IRAK3: variants seen among roughly 807,000 people sequenced by gnomAD.
IRAK3 encodes the protein interleukin-1 receptor-associated kinase 3.
In IRAK3, 57 loss-of-function variants were observed where a neutral mutation model predicts 56.6. The ratio of observed to expected loss-of-function variants is 1.01; its 90% CI spans 0.81 to 1.26. IRAK3 has a LOEUF of 1.26. IRAK3 is among the 50% of genes most tolerant of loss of function. The pLI is 0.00. For missense variants in IRAK3, 703 were observed against 719.0 expected, an observed-to-expected ratio of 0.98 and a Z score of 0.25; for synonymous variants, 258 against 255.7, an observed-to-expected ratio of 1.01 and a Z score of -0.09.
In IRAK3 at chr12:66,217,173, G is replaced by A; in HGVS notation, c.591G>A (p.Glu197=). 1 of 1,605,234 alleles carries A rather than the reference G, an allele frequency of 6.2e-7. No individual in the cohort carries two copies. The highest frequency in any genetic ancestry group is 8.5e-7 in the Non-Finnish European group (1 of 1,172,016). ...LTYAVKLFKQ[E]KKMQCKKHWK... ...TTCTTGTCTTTCTGTATATGTAGGA[G>A]AAAAAAATGCAGTGTAAGAAGCATT... Residue 197 remains glutamate (E), a splice_region_variant and synonymous_variant, in exon 6 of 12, where the codon GAG becomes GAA. Transcript: ENST00000261233.
In IRAK3 at chr12:66,211,553, G is replaced by A. The variant is rs753764031; in HGVS notation, c.544G>A (p.Val182Met). The part of the protein sequence containing the change: ...GEGEIFEVYR[V>M]EIQNLTYAVK... ...AGGAGAGATTTTTGAGGTATACAGA[G>A]TGGAGATTCAAAACCTAACATATGC... The change falls in exon 5 of 12, where the codon GTG becomes ATG. Residue 182 changes from valine (V) to methionine (M), a missense_variant. Transcript: ENST00000261233. The A allele has an allele frequency of 3.7e-6, 6 of 1,612,088 alleles. No homozygotes were observed. Among genetic ancestry groups the A allele is most frequent in the East Asian group, 2.2e-5 (1 of 44,846 alleles).
At position 66,204,265 on chromosome 12, in the gene IRAK3, A is replaced by G. The variant is rs11465947; in HGVS notation, c.316+372A>G. Among the ~76,000 whole-genome samples the G allele has an allele frequency of 2.5e-3, 388 of 152,300 alleles. 5 individuals carry two copies. Among genetic ancestry groups the G allele is most frequent in the African/African-American group, 8.4e-3 (350 of 41,560 alleles). On this transcript the variant is annotated intron_variant, in intron 2 of 11. Transcript: ENST00000261233. Reference sequence around the variant, plus strand: ...AATCACAATATTTGAGATACAGATCATGCTATTCTTTGTTTTACTATATAT... The same window carrying G: ...AATCACAATATTTGAGATACAGATCGTGCTATTCTTTGTTTTACTATATAT...
rs945939394 is a variant in IRAK3, at chr12:66,254,423, T to C, written c.*6252T>C. The C allele has an allele frequency of 6.6e-6, 1 of 152,178 alleles. No homozygotes were observed. The highest frequency in any genetic ancestry group is 2.4e-5 in the African/African-American group (1 of 41,470). 9.4% of individuals were successfully genotyped at this position (152,178 alleles called of 1,614,324 possible). The stretch of plus-strand genomic sequence containing the variant: ...TAGACTACAGGATATATGTTGAATA[T>C]GAGCTCATTTATAACATTGAATATT... On this transcript the variant is annotated 3_prime_UTR_variant, in exon 12 of 12. Transcript: ENST00000261233.
intron 8 of IRAK3, among the ~76,000 whole-genome samples, chr12:66,243,459 C>T (rs1244307543): frequency 6.6e-6 from 1 of 152,186 alleles, no homozygotes; most frequent in Non-Finnish European, 1.5e-5. Flanking sequence ...GCTTTGGTTT[C>T]AGGAAATAAA....
Position 66,196,798 on chromosome 12 carries a change from C to T in IRAK3, c.134-6913C>T, listed in dbSNP as rs534239178. The T allele has an allele frequency of 1.3e-5, 18 of 1,350,882 alleles. No individual in the cohort carries two copies. In the South Asian group the frequency reaches 2.7e-4, roughly 21 times the overall value. The allele number at this position is 1,350,882 out of a possible 1,614,324, so 83.7% of individuals were successfully genotyped here. ...TTTTGGAATTAAAAATGTCTTTAAC[C>T]TTAAAAGTTCTTTTAAAAAATTGTC... On this transcript the variant is annotated intron_variant, in intron 1 of 11. Coordinates refer to ENST00000261233, the MANE Select transcript of IRAK3 (RefSeq NM_007199.3).
intron 11 of IRAK3, among the ~76,000 whole-genome samples, chr12:66,247,377 C>A (rs1385497005): frequency 1.3e-5 from 2 of 152,154 alleles, no homozygotes; most frequent in Admixed American, 1.3e-4. Flanking sequence ...TCCAATCTTC[C>A]ACATATTATG....
intron 2 of IRAK3, among the ~76,000 whole-genome samples, chr12:66,205,299 T>G (rs1325654015): frequency 1.3e-5 from 2 of 152,224 alleles, no homozygotes; most frequent in East Asian, 3.8e-4. Flanking sequence ...CTTAGTCTGT[T>G]GCACATGCAA....
At position 66,222,583 on chromosome 12, in the gene IRAK3, A is replaced by G. The variant is rs148862664; in HGVS notation, c.654-4140A>G. 2.5e-3 allele frequency among the ~76,000 whole-genome samples: 383 copies of G among 151,984 alleles called. 5 individuals are homozygous for G. The highest frequency in any genetic ancestry group is 8.9e-3 in the African/African-American group (370 of 41,474). On this transcript the variant is annotated intron_variant, in intron 6 of 11. Coordinates refer to ENST00000261233, the MANE Select transcript of IRAK3 (RefSeq NM_007199.3). ...CAAAAAAACAAGTCTCATAGTATCA[A>G]TTTTTCTGAGAGATATTAATAATCC... is the stretch of plus-strand genomic sequence containing the variant.
chr12:66,222,529 CATTT>C (rs1225662805), intron 6 of IRAK3, among the ~76,000 whole-genome samples: 2 of 151,806 alleles, frequency 1.3e-5, no homozygotes, highest in African/African-American at 4.8e-5. Context: ...TCGCCTCTTT[CATTT>C]ATATTTTATT....
chr12:66,196,947 C>A, intron 1 of IRAK3: 1 of 1,534,944 alleles, frequency 6.5e-7, no homozygotes, highest in Non-Finnish European at 8.7e-7. Flanking sequence ...TGGTTGTATG[C>A]AAATACAAAG....
chr12:66,194,808 G>A lies in IRAK3; in HGVS notation c.133+5376G>A, dbSNP rs549013660. On this transcript the variant is annotated intron_variant, in intron 1 of 11. Coordinates refer to ENST00000261233, the MANE Select transcript of IRAK3 (RefSeq NM_007199.3). ...CACACTACCGTACTCCAGACTGGGCGACAGAGCGAGACTCCTCTCAAAAAA... is the reference window on the plus strand; with the variant it reads ...CACACTACCGTACTCCAGACTGGGCAACAGAGCGAGACTCCTCTCAAAAAA... 3.1e-4 allele frequency among the ~76,000 whole-genome samples: 43 copies of A among 139,992 alleles called. 1 individual carries two copies. The highest frequency in any genetic ancestry group is 1.1e-3 in the African/African-American group (40 of 36,688). The allele number at this position is 139,992 out of a possible 152,430, so 91.8% of individuals were successfully genotyped here.
At chr12:66,207,780 AT>A (rs1243850706) in intron 2 of IRAK3, among the ~76,000 whole-genome samples, 1 of 151,424 alleles carries the variant, frequency 6.6e-6, no homozygotes, top group East Asian at 1.9e-4. Context: ...TTTTTAATTC[AT>A]TTGTTATTTA....
Position 66,249,613 on chromosome 12 carries a change from T to G in IRAK3, c.*1442T>G, listed in dbSNP as rs1448107964. The G allele has an allele frequency of 1.3e-5, 2 of 152,424 alleles. No homozygotes were observed. Among genetic ancestry groups the G allele is most frequent in the East Asian group, 3.8e-4 (2 of 5,204 alleles). 9.4% of individuals were successfully genotyped at this position (152,424 alleles called of 1,614,324 possible). ...ATTCCTTAGCATTCTTTCTGGAGGCTGTTGGGGAGAACTCACTGCCTTGCC... is the reference window on the plus strand; with the variant it reads ...ATTCCTTAGCATTCTTTCTGGAGGCGGTTGGGGAGAACTCACTGCCTTGCC... On this transcript the variant is annotated 3_prime_UTR_variant, in exon 12 of 12. Coordinates refer to ENST00000261233, the MANE Select transcript of IRAK3 (RefSeq NM_007199.3).
intron 5 of IRAK3, among the ~76,000 whole-genome samples, chr12:66,212,374 C>G (rs964552340): frequency 3.9e-5 from 6 of 152,180 alleles, no homozygotes; most frequent in Non-Finnish European, 8.8e-5. Context: ...AGTTGATTGA[C>G]TGCAGCCAAT....
At chr12:66,197,061 C>T (rs1451609655) in intron 1 of IRAK3, 1 of 1,421,500 alleles carries the variant, frequency 7.0e-7, no homozygotes, top group Admixed American at 2.9e-5. Flanking sequence ...GTCCTGCACT[C>T]TCAAAACAGC....
intron 6 of IRAK3, among the ~76,000 whole-genome samples, chr12:66,220,824 CTTCT>C: frequency 6.6e-6 from 1 of 151,954 alleles, no homozygotes; most frequent in African/African-American, 2.4e-5. Flanking sequence ...CCGGCCTGTT[CTTCT>C]TTCTTAAACT....
intron 2 of IRAK3, among the ~76,000 whole-genome samples, chr12:66,204,722 T>G (rs1024443820): frequency 6.6e-6 from 1 of 152,024 alleles, no homozygotes; most frequent in African/African-American, 2.4e-5. Context: ...ATTTTTAGTT[T>G]TGTGTATTTG....
chr12:66,220,807 A>C (rs2052725530), intron 6 of IRAK3, among the ~76,000 whole-genome samples: 1 of 152,010 alleles, frequency 6.6e-6, no homozygotes, highest in African/African-American at 2.4e-5. Context: ...GGCGTGAGCC[A>C]CCGCGCCCGG....
Position 66,210,193 on chromosome 12 carries a change from A to T in IRAK3, c.428A>T (p.Asn143Ile). The T allele has an allele frequency of 2.5e-6, 4 of 1,601,832 alleles. No individual in the cohort carries two copies. Among genetic ancestry groups the T allele is most frequent in the Non-Finnish European group, 3.4e-6 (4 of 1,169,524 alleles). ...TVDNVLIPEHNEKGILLKSSI... is the reference protein window; with the variant it reads ...TVDNVLIPEHIEKGILLKSSI... ...GATAATGTTCTTATTCCTGAACATA[A>T]TGAAAAAGGTATGAAAAAACCAGTT... The change falls in exon 4 of 12, where the codon AAT becomes ATT. Residue 143 changes from asparagine to isoleucine, a missense_variant. Transcript: ENST00000261233.
Sources: gnomAD v4.1 joint callset for allele counts (sites outside exome capture counted in the v4.1 genomes callset) on GRCh38, gnomAD v4.1.1 for gene constraint, MANE v1.5 for transcripts, NCBI Gene and HGNC (gene_info 2026-07-23, HGNC 2026-07-21) for gene names.